Variants in FMNL3 observed in about 807,000 individuals in gnomAD.
The protein encoded by FMNL3 is formin like 3.
In FMNL3, 57 loss-of-function variants were observed where a neutral mutation model predicts 119.6. The observed-to-expected ratio is 0.48, with a 90% CI of 0.39 to 0.59. FMNL3 has a LOEUF of 0.59. Among genes scored for constraint, FMNL3 ranks in the 20% least tolerant of loss-of-function variants. The pLI, the probability that FMNL3 is intolerant of heterozygous loss-of-function variation, is 0.00. For synonymous variants in FMNL3, 491 were observed against 507.3 expected, an observed-to-expected ratio of 0.97 and a Z score of 0.43; for missense variants, 1,053 against 1,323.5, an observed-to-expected ratio of 0.80 and a Z score of 3.17.
At position 49,643,991 on chromosome 12, in the gene FMNL3, T is replaced by A. The variant is rs1157894227; in HGVS notation, c.*1824A>T. On this transcript the variant is annotated 3_prime_UTR_variant, in exon 26 of 26. Transcript: ENST00000335154. ...CCTAACCGTTCCCCAGGCTTTGGAA[T>A]CAAGAAGGAGAAGGTGAGGGGCAGG... is the stretch of plus-strand genomic sequence containing the variant. The A allele has an allele frequency of 1.2e-6, 2 of 1,614,112 alleles. No homozygotes were observed. Among genetic ancestry groups the A allele is most frequent in the South Asian group, 2.2e-5 (2 of 91,078 alleles).
chr12:49,666,791 C>T (rs1190543311), intron 2 of FMNL3, among the ~76,000 whole-genome samples: 2 of 151,806 alleles, frequency 1.3e-5, no homozygotes, highest in South Asian at 2.1e-4. Context: ...AGTGTGATCC[C>T]TCTCTAAAAA....
Position 49,637,007 on chromosome 12 carries a change from G to T in FMNL3, c.*8808C>A, listed in dbSNP as rs1436913168. Reference sequence around the variant, plus strand: ...CTCTCTCTGCCTGCAGTCTGTTTCTGCTGTACCTCCTCAATTCTGGACTGT... The same window carrying T: ...CTCTCTCTGCCTGCAGTCTGTTTCTTCTGTACCTCCTCAATTCTGGACTGT... On this transcript the variant is annotated 3_prime_UTR_variant, in exon 26 of 26. Coordinates refer to ENST00000335154, the MANE Select transcript of FMNL3 (RefSeq NM_175736.5). 9 of 1,096,804 alleles carry T rather than the reference G, an allele frequency of 8.2e-6. No individual in the cohort carries two copies. The African/African-American group carries it at 1.4e-4, about 17-fold the overall frequency. 67.9% of individuals were successfully genotyped at this position (1,096,804 alleles called of 1,614,324 possible). A position where few individuals can be genotyped will look rare whatever the true frequency, so the allele number is the denominator to read the frequency against.
intron 8 of FMNL3, 62 bp from the exon 9 acceptor site, chr12:49,656,559 T>C (rs2138782133): frequency 7.0e-7 from 1 of 1,437,866 alleles, no homozygotes; most frequent in Non-Finnish European, 9.7e-7. Flanking sequence ...ACACAGCTCA[T>C]TTCCCTGACT....
Position 49,645,723 on chromosome 12 carries a change from C to T in FMNL3, c.*92G>A, listed in dbSNP as rs191325536. The T allele has an allele frequency of 3.1e-5, 34 of 1,087,288 alleles. No homozygotes were observed. In the East Asian group the frequency reaches 9.4e-4, roughly 30 times the overall value. 67.4% of individuals were successfully genotyped at this position (1,087,288 alleles called of 1,614,324 possible). A position where few individuals can be genotyped will look rare whatever the true frequency, so the allele number is the denominator to read the frequency against. On this transcript the variant is annotated 3_prime_UTR_variant, in exon 26 of 26. Transcript: ENST00000335154. ...GGCGGACATGGTTGAGAGAGCAACA[C>T]AGCCCTCTCCTGAGCCCTTGGCCAA...
chr12:49,685,885 G>A (rs767564590), intron 1 of FMNL3, among the ~76,000 whole-genome samples: 32 of 152,068 alleles, frequency 2.1e-4, no homozygotes, highest in African/African-American at 7.0e-4. Flanking sequence ...TGGCCAACAC[G>A]GTGAAACCCC....
At chr12:49,654,438 A>AAT in intron 10 of FMNL3, 136 bp from the exon 11 acceptor site, 2 of 628,738 alleles carry the variant, frequency 3.2e-6, no homozygotes, top group Non-Finnish European at 5.6e-6. Context: ...TTAAGTCTTT[A>AAT]TGGGGGCAAT....
chr12:49,706,588 G>C (rs1050228297), intron 1 of FMNL3, among the ~76,000 whole-genome samples: 1 of 152,074 alleles, frequency 6.6e-6, no homozygotes, highest in Non-Finnish European at 1.5e-5. Context: ...CTGGGAGTGG[G>C]ACCCACTCCC....
At chr12:49,686,764 A>G (rs1369329282) in intron 1 of FMNL3, among the ~76,000 whole-genome samples, 2 of 152,132 alleles carry the variant, frequency 1.3e-5, no homozygotes, top group Non-Finnish European at 2.9e-5. Context: ...TGAGAGAATC[A>G]GACTTGAGAA....
intron 1 of FMNL3, among the ~76,000 whole-genome samples, chr12:49,703,458 G>A (rs573799785): frequency 6.6e-6 from 1 of 152,248 alleles, no homozygotes; most frequent in Non-Finnish European, 1.5e-5. Context: ...CTCAGATAGG[G>A]GGTAAGGAAG....
At chr12:49,646,394 C>T (rs188776799) in intron 25 of FMNL3, among the ~76,000 whole-genome samples, 13 of 152,342 alleles carry the variant, frequency 8.5e-5, no homozygotes, top group African/African-American at 3.1e-4. Context: ...TGGTGACTCC[C>T]TACCCACTTG....
chr12:49,673,676 A>G (rs1188275359), intron 1 of FMNL3, among the ~76,000 whole-genome samples: 1 of 152,232 alleles, frequency 6.6e-6, no homozygotes, highest in South Asian at 2.1e-4. Context: ...AGCAGCTCCT[A>G]GACAATGAGA....
In FMNL3 at chr12:49,707,290, A is replaced by G; in HGVS notation, c.-110T>C. The G allele has an allele frequency of 9.1e-7, 1 of 1,104,386 alleles. No individual in the cohort carries two copies. The highest frequency in any genetic ancestry group is 1.2e-6 in the Non-Finnish European group (1 of 829,070). 68.4% of individuals were successfully genotyped at this position (1,104,386 alleles called of 1,614,324 possible). ...CTCAGCGCCGGCTCCCCGAGTCCCG[A>G]CTCCTCGGCCCCGTCGAGGGCGCCG... On this transcript the variant is annotated 5_prime_UTR_variant, in exon 1 of 26. Transcript: ENST00000335154.
chr12:49,647,868 G>A lies in FMNL3; in HGVS notation c.2677-64C>T, dbSNP rs542478427. 1.6e-4 allele frequency: 210 copies of A among 1,290,412 alleles called. No homozygotes were observed. The highest frequency in any genetic ancestry group is 2.2e-4 in the Non-Finnish European group (197 of 894,054). The allele number at this position is 1,290,412 out of a possible 1,614,324, so 79.9% of individuals were successfully genotyped here. A position where few individuals can be genotyped will look rare whatever the true frequency, so the allele number is the denominator to read the frequency against. On this transcript the variant is annotated intron_variant, in intron 22 of 25. Coordinates refer to ENST00000335154, the MANE Select transcript of FMNL3 (RefSeq NM_175736.5). This position sits in a 1 kb window ranked among gnomAD's most constrained non-coding sequence, Gnocchi z 4.9. ...AAGATCAGCCCAGCTCCCACACCACGGATGAGAGGCCTGCAGAAAGCAGAG... is the reference window on the plus strand; with the variant it reads ...AAGATCAGCCCAGCTCCCACACCACAGATGAGAGGCCTGCAGAAAGCAGAG...
chr12:49,703,344 G>T (rs1944960507), intron 1 of FMNL3, among the ~76,000 whole-genome samples: 1 of 152,184 alleles, frequency 6.6e-6, no homozygotes, highest in South Asian at 2.1e-4. Context: ...CACTGGGACT[G>T]TATCAGACCA....
intron 4 of FMNL3, among the ~76,000 whole-genome samples, chr12:49,665,135 T>C (rs1395499474): frequency 2.0e-5 from 3 of 152,070 alleles, no homozygotes; most frequent in African/African-American, 7.2e-5. Context: ...TGATTACAGT[T>C]TCGTAACACT....
Position 49,649,254 on chromosome 12 carries a change from C to T in FMNL3, c.2385+5G>A. Reference sequence around the variant, plus strand: ...TCCTGGCCCACGCTGCCCTCACCATCTTACCAGATCCAGGCTCTGGAGCTT... The same window carrying T: ...TCCTGGCCCACGCTGCCCTCACCATTTTACCAGATCCAGGCTCTGGAGCTT... On this transcript the variant is annotated splice_donor_5th_base_variant and intron_variant, in intron 20 of 25. Transcript: ENST00000335154. The surrounding 1 kb of genome is among the most constrained non-coding windows in gnomAD (Gnocchi z 5.6). 1 of 1,614,196 alleles carries T rather than the reference C, an allele frequency of 6.2e-7. No individual in the cohort carries two copies. Among genetic ancestry groups the T allele is most frequent in the Non-Finnish European group, 8.5e-7 (1 of 1,180,026 alleles).
intron 9 of FMNL3, among the ~76,000 whole-genome samples, chr12:49,655,996 G>C (rs893739220): frequency 6.6e-6 from 1 of 152,102 alleles, no homozygotes; most frequent in African/African-American, 2.4e-5. Flanking sequence ...AAACACATGT[G>C]CTTTGGGTTC....
intron 1 of FMNL3, among the ~76,000 whole-genome samples, chr12:49,687,096 C>A (rs762087860): frequency 7.0e-6 from 1 of 142,352 alleles, no homozygotes; most frequent in East Asian, 2.0e-4. Context: ...TTCCCCATTC[C>A]TTTTTTTTTT....
chr12:49,661,899 T>C, intron 5 of FMNL3, 67 bp downstream of exon 5: 1 of 1,423,646 alleles, frequency 7.0e-7, no homozygotes, highest in Middle Eastern at 1.8e-4. Context: ...CCCTTCCTTA[T>C]CAAAGTAGAA....
Sources: gnomAD v4.1 joint callset for allele counts (sites outside exome capture counted in the v4.1 genomes callset) on GRCh38, gnomAD v4.1.1 for gene constraint, Gnocchi (gnomAD v3.1) non-coding constraint, MANE v1.5 for transcripts, NCBI Gene and HGNC (gene_info 2026-07-23, HGNC 2026-07-21) for gene names.